ADAMTS6: variants seen among roughly 807,000 people sequenced by gnomAD.
ADAMTS6 encodes the protein A disintegrin and metalloproteinase with thrombospondin motifs 6.
ADAMTS6 carries 23 observed loss-of-function variants against 144.3 expected under a neutral mutation model. The ratio of observed to expected loss-of-function variants is 0.16; its 90% confidence interval spans 0.11 to 0.23. ADAMTS6 has a LOEUF of 0.23. ADAMTS6 is among the 10% of genes least tolerant of loss of function. The pLI, the probability that ADAMTS6 is intolerant of heterozygous loss-of-function variation, is 1.00. For synonymous variants in ADAMTS6, 444 were observed against 457.5 expected (o/e 0.97, Z 0.38); for missense variants, 999 against 1,379.6 (o/e 0.72, Z 4.37).
rs1339973392 is a variant in ADAMTS6, at chr5:65,357,928, T to A, written c.1074-23843A>T. Among the ~76,000 whole-genome samples the A allele has an allele frequency of 3.3e-5, 5 of 151,858 alleles. No individual in the cohort carries two copies. In the East Asian group the frequency reaches 7.7e-4, roughly 23 times the overall value. Reference sequence around the variant, plus strand: ...TATCTAAAGGCTTTACATCAATCCTTCTCAAAATTTCCAAAAGACTGAAAA... The same window carrying A: ...TATCTAAAGGCTTTACATCAATCCTACTCAAAATTTCCAAAAGACTGAAAA... On this transcript the variant is annotated intron_variant, in intron 7 of 24. Coordinates refer to ENST00000381055, the MANE Select transcript of ADAMTS6 (RefSeq NM_197941.4).
intron 7 of ADAMTS6, among the ~76,000 whole-genome samples, chr5:65,336,978 C>T (rs111761445): frequency 7.2e-4 from 109 of 152,204 alleles, no homozygotes; most frequent in African/African-American, 2.4e-3. Flanking sequence ...TAATTGCCTT[C>T]CCTGAATATG....
At position 65,465,335 on chromosome 5, in the gene ADAMTS6, C is replaced by T. The variant is rs541760737; in HGVS notation, c.463-4997G>A. ...CTTATGTCCATATAATCTATTTTTC[C>T]CTATTATTATGGATGAACTATCTAT... is the stretch of plus-strand genomic sequence containing the variant. On this transcript the variant is annotated intron_variant, in intron 3 of 24. Transcript: ENST00000381055. Among the ~76,000 whole-genome samples, 24 of 152,176 alleles carry T rather than the reference C, an allele frequency of 1.6e-4. No individual in the cohort carries two copies. In the South Asian group the frequency reaches 5.0e-3, roughly 32 times the overall value.
At chr5:65,262,451 A>G (rs984372403) in intron 13 of ADAMTS6, among the ~76,000 whole-genome samples, 1 of 152,166 alleles carries the variant, frequency 6.6e-6, no homozygotes, top group Non-Finnish European at 1.5e-5. Flanking sequence ...TGACATGTGA[A>G]AAGACCTTAG....
intron 12 of ADAMTS6, among the ~76,000 whole-genome samples, chr5:65,264,015 G>A (rs903955707): frequency 6.6e-6 from 1 of 151,978 alleles, no homozygotes; most frequent in Non-Finnish European, 1.5e-5. Flanking sequence ...AAGCTTTGTT[G>A]GTTTTATCTC....
intron 7 of ADAMTS6, among the ~76,000 whole-genome samples, chr5:65,357,691 A>G (rs1749452903): frequency 6.6e-6 from 1 of 151,818 alleles, no homozygotes; most frequent in Non-Finnish European, 1.5e-5. Context: ...AAAAGATCCT[A>G]AAAGATTACT....
chr5:65,258,161 A>G (rs745814048), intron 14 of ADAMTS6, among the ~76,000 whole-genome samples: 2 of 152,140 alleles, frequency 1.3e-5, no homozygotes, highest in African/African-American at 2.4e-5. Flanking sequence ...TAGGAGTCCT[A>G]GAGTTGTAGG....
intron 7 of ADAMTS6, among the ~76,000 whole-genome samples, chr5:65,374,587 C>T (rs940551142): frequency 1.3e-5 from 2 of 151,864 alleles, no homozygotes; most frequent in Admixed American, 6.6e-5. Flanking sequence ...GAACTACAAA[C>T]CACTGCTCAA....
chr5:65,228,619 G>A (rs933702561), intron 15 of ADAMTS6, among the ~76,000 whole-genome samples: 18 of 151,916 alleles, frequency 1.2e-4, no homozygotes, highest in African/African-American at 3.6e-4. Flanking sequence ...CAGACAAATC[G>A]AAGAGGTTTA....
rs558286357 is a variant in ADAMTS6 at position 65,232,137 on chromosome 5, C to G, written c.1934-5918G>C. Reference sequence around the variant, plus strand: ...AAAACAAACAAACAAACAACAACAACAAAACAAACCAACAAGAAACCTTAT... The same window carrying G: ...AAAACAAACAAACAAACAACAACAAGAAAACAAACCAACAAGAAACCTTAT... On this transcript the variant is annotated intron_variant, in intron 15 of 24. Transcript: ENST00000381055. 2.0e-5 allele frequency among the ~76,000 whole-genome samples: 3 copies of G among 151,986 alleles called. No homozygotes were observed. The East Asian group carries it at 5.8e-4, about 29-fold the overall frequency.
chr5:65,378,787 T>C (rs1021011457), intron 7 of ADAMTS6, among the ~76,000 whole-genome samples: 1 of 152,172 alleles, frequency 6.6e-6, no homozygotes, highest in African/African-American at 2.4e-5. Flanking sequence ...CTATTTCATA[T>C]AAATTAAGCT....
intron 7 of ADAMTS6, among the ~76,000 whole-genome samples, chr5:65,427,397 G>A (rs939370085): frequency 9.9e-5 from 15 of 151,862 alleles, no homozygotes; most frequent in East Asian, 1.9e-4. Flanking sequence ...TCAAACTCCC[G>A]GCCTCAAGGG....
At chr5:65,307,879 A>G (rs1181232608) in intron 9 of ADAMTS6, among the ~76,000 whole-genome samples, 1 of 152,124 alleles carries the variant, frequency 6.6e-6, no homozygotes, top group African/African-American at 2.4e-5. Flanking sequence ...CCAGTACTTC[A>G]TTTCTTTTTA....
intron 7 of ADAMTS6, among the ~76,000 whole-genome samples, chr5:65,418,769 T>G (rs1755766309): frequency 6.6e-6 from 1 of 152,100 alleles, no homozygotes; most frequent in African/African-American, 2.4e-5. Flanking sequence ...AAAGAGGACA[T>G]ACAAGTGGCC....
intron 4 of ADAMTS6, among the ~76,000 whole-genome samples, chr5:65,456,564 T>C (rs994255066): frequency 1.3e-5 from 2 of 152,216 alleles, no homozygotes; most frequent in South Asian, 4.1e-4. Context: ...GTTAACTGTC[T>C]TTCCTCACTA....
intron 9 of ADAMTS6, among the ~76,000 whole-genome samples, chr5:65,324,314 T>C (rs1008542139): frequency 6.6e-6 from 1 of 152,178 alleles, no homozygotes; most frequent in Non-Finnish European, 1.5e-5. Flanking sequence ...TAGATCTAAA[T>C]ATAAAAGCTA....
At chr5:65,467,758 T>C (rs1483586951) in intron 3 of ADAMTS6, among the ~76,000 whole-genome samples, 4 of 152,188 alleles carry the variant, frequency 2.6e-5, no homozygotes, top group Non-Finnish European at 5.9e-5. Flanking sequence ...CCAGTCGCTG[T>C]TCTGAGGTAA....
chr5:65,473,194 G>C (rs1043603676), intron 2 of ADAMTS6, among the ~76,000 whole-genome samples: 2 of 152,010 alleles, frequency 1.3e-5, no homozygotes, highest in African/African-American at 2.4e-5. Context: ...ATATTAAAAG[G>C]GTCCTGTATC....
Position 65,300,050 on chromosome 5 carries a change from A to C in ADAMTS6, c.1305T>G (p.Ile435Met). The change falls in exon 10 of 25, where the codon ATT becomes ATG. Residue 435 changes from isoleucine to methionine, a missense_variant. Transcript: ENST00000381055. ...HEAAKLMAAH[I>M]TANTNPFSWS... The stretch of plus-strand genomic sequence containing the variant: ...AGGAAAAAGGATTGGTATTCGCAGT[A>C]ATGTGAGCTGCCATAAGTTTTGCTG... 6.2e-7 allele frequency: 1 copy of C among 1,614,138 alleles called. No individual in the cohort carries two copies. Among genetic ancestry groups the C allele is most frequent in the Non-Finnish European group, 8.5e-7 (1 of 1,180,002 alleles).
In ADAMTS6 at chr5:65,406,971, A is replaced by T. The variant is rs183790681; in HGVS notation, c.1073+44504T>A. On this transcript the variant is annotated intron_variant, in intron 7 of 24. Transcript: ENST00000381055. ...AAAGAAACAGACAAAGCCTCCAAGA[A>T]ATATGGGACTATGTGAAAAGACCAA... 9.9e-5 allele frequency among the ~76,000 whole-genome samples: 15 copies of T among 152,284 alleles called. No individual in the cohort carries two copies. In the East Asian group the frequency reaches 2.9e-3, roughly 29 times the overall value.
Sources: allele counts gnomAD v4.1 joint callset (sites outside exome capture counted in the v4.1 genomes callset), GRCh38; gene constraint gnomAD v4.1.1; transcripts MANE v1.5; gene names NCBI Gene and HGNC (gene_info 2026-07-23, HGNC 2026-07-21).